KHDRBS2: variants seen among roughly 807,000 people sequenced by gnomAD.
KHDRBS2 encodes KH domain-containing, RNA-binding, signal transduction-associated protein 2.
KHDRBS2 carries 26 observed loss-of-function variants against 44.3 expected under a neutral mutation model. The observed-to-expected ratio is 0.59, with a 90% CI of 0.43 to 0.81. The LOEUF (loss-of-function observed/expected upper bound fraction) is 0.81, where lower values mean the gene tolerates loss of function less well. Ranked by LOEUF, KHDRBS2 falls within the 40% of genes least tolerant of loss-of-function variation. The probability of loss-of-function intolerance (pLI) is 0.00; values close to 1 mark genes in which losing one functional copy is unlikely to be tolerated. For missense variants in KHDRBS2, 476 were observed against 433.1 expected (o/e 1.10, Z -0.88); for synonymous variants, 194 against 151.1 (o/e 1.28, Z -2.08).
At chr6:61,741,848 T>A (rs906879390) in intron 6 of KHDRBS2, among the ~76,000 whole-genome samples, 61 of 151,990 alleles carry the variant, frequency 4.0e-4, no homozygotes, top group Non-Finnish European at 5.2e-4. Flanking sequence ...TCTGACTCTG[T>A]TATATACCCA....
intron 3 of KHDRBS2, among the ~76,000 whole-genome samples, chr6:62,017,599 T>C (rs1439471013): frequency 6.6e-6 from 1 of 152,086 alleles, no homozygotes; most frequent in Non-Finnish European, 1.5e-5. Context: ...TCTTCATGAG[T>C]GGCATAAATT....
At chr6:61,927,889 AC>A (rs1210872914) in intron 4 of KHDRBS2, among the ~76,000 whole-genome samples, 1 of 152,160 alleles carries the variant, frequency 6.6e-6, no homozygotes, top group African/African-American at 2.4e-5. Flanking sequence ...TTATCTATCT[AC>A]AAATTAAGTA....
chr6:61,718,171 T>C (rs915851080), intron 7 of KHDRBS2, among the ~76,000 whole-genome samples: 2 of 152,042 alleles, frequency 1.3e-5, no homozygotes, highest in African/African-American at 4.8e-5. Flanking sequence ...TATAAACTGA[T>C]AGCTCCAAGT....
intron 6 of KHDRBS2, among the ~76,000 whole-genome samples, chr6:61,787,614 CT>C (rs1470929342): frequency 6.6e-6 from 1 of 151,502 alleles, no homozygotes; most frequent in African/African-American, 2.4e-5. Context: ...GGCTTTTTTA[CT>C]TTGTAAATTG....
chr6:61,887,925 C>T (rs1801202786), intron 6 of KHDRBS2, among the ~76,000 whole-genome samples: 1 of 152,052 alleles, frequency 6.6e-6, no homozygotes, highest in South Asian at 2.1e-4. Flanking sequence ...CAGCCAGCAG[C>T]CTATCAGTCA....
chr6:61,938,858 AGTGCAAATATAAAGAT>A (rs1811549194), intron 4 of KHDRBS2, among the ~76,000 whole-genome samples: 1 of 152,204 alleles, frequency 6.6e-6, no homozygotes, highest in Admixed American at 6.5e-5. Context: ...TCTGGCTGGC[AGTGCAAATATAAAGAT>A]GTTGCACCAA....
At chr6:61,857,275 T>C (rs1796284432) in intron 6 of KHDRBS2, among the ~76,000 whole-genome samples, 1 of 152,102 alleles carries the variant, frequency 6.6e-6, no homozygotes, top group Non-Finnish European at 1.5e-5. Flanking sequence ...TATTTCAAAA[T>C]ATAACTTTCA....
intron 2 of KHDRBS2, among the ~76,000 whole-genome samples, chr6:62,104,489 T>TA (rs1303672980): frequency 2.0e-5 from 3 of 152,126 alleles, no homozygotes; most frequent in Admixed American, 1.3e-4. Context: ...TATCAGTAAT[T>TA]AAAAAAATCT....
chr6:61,955,014 A>C (rs1197565513), intron 4 of KHDRBS2, among the ~76,000 whole-genome samples: 2 of 142,346 alleles, frequency 1.4e-5, no homozygotes, highest in Non-Finnish European at 1.5e-5. Flanking sequence ...ATATGTATGT[A>C]TACACACATA....
intron 6 of KHDRBS2, among the ~76,000 whole-genome samples, chr6:61,824,945 C>A (rs1221922292): frequency 6.6e-6 from 1 of 152,086 alleles, no homozygotes; most frequent in Non-Finnish European, 1.5e-5. Flanking sequence ...GTCCACATTG[C>A]CAAATATTCA....
chr6:62,125,161 C>T (rs1308523052), intron 2 of KHDRBS2, among the ~76,000 whole-genome samples: 1 of 152,122 alleles, frequency 6.6e-6, no homozygotes, highest in East Asian at 1.9e-4. Context: ...CTCCCAAAAC[C>T]CTAGCAGCAG....
At chr6:62,091,845 A>G (rs1415378246) in intron 2 of KHDRBS2, among the ~76,000 whole-genome samples, 1 of 152,102 alleles carries the variant, frequency 6.6e-6, no homozygotes, top group Non-Finnish European at 1.5e-5. Context: ...TAGTAACACT[A>G]TGGTTTGTTA....
chr6:62,143,968 A>C (rs1242706077), intron 2 of KHDRBS2, among the ~76,000 whole-genome samples: 1 of 151,942 alleles, frequency 6.6e-6, no homozygotes, highest in East Asian at 1.9e-4. Flanking sequence ...ATCCTTTGCC[A>C]GTTGAAAAAA....
At chr6:61,973,298 C>T (rs1233047497) in intron 4 of KHDRBS2, among the ~76,000 whole-genome samples, 8 of 151,994 alleles carry the variant, frequency 5.3e-5, no homozygotes, top group Non-Finnish European at 8.8e-5. Context: ...TTCTGCTTCC[C>T]TTTTCTATTT....
chr6:61,545,697 AC>A, the KHDRBS2 span, among the ~76,000 whole-genome samples: 1 of 151,880 alleles, frequency 6.6e-6, no homozygotes, highest in Non-Finnish European at 1.5e-5. Flanking sequence ...TGTCTCCCCC[AC>A]CCCAAAATTT....
At chr6:62,159,254 G>T (rs1169967251) in intron 2 of KHDRBS2, among the ~76,000 whole-genome samples, 3 of 151,954 alleles carry the variant, frequency 2.0e-5, no homozygotes, top group Non-Finnish European at 4.4e-5. Flanking sequence ...AAGAAAATTT[G>T]GTTAAGCAAA....
At chr6:61,983,800 A>T in intron 3 of KHDRBS2, among the ~76,000 whole-genome samples, 1 of 152,342 alleles carries the variant, frequency 6.6e-6, no homozygotes. Context: ...ATTGATTAAA[A>T]ATGAGGTGTA....
At chr6:62,206,344 T>TTA (rs1827971308) in intron 1 of KHDRBS2, among the ~76,000 whole-genome samples, 1 of 152,106 alleles carries the variant, frequency 6.6e-6, no homozygotes, top group African/African-American at 2.4e-5. Context: ...GTAGCTTTTC[T>TTA]CAAAACGTTC....
At chr6:62,009,917 G>A (rs1779984214) in intron 3 of KHDRBS2, among the ~76,000 whole-genome samples, 1 of 152,178 alleles carries the variant, frequency 6.6e-6, no homozygotes. Context: ...CTAGGGCACT[G>A]CAGAAGGGAA....
Sources: allele counts gnomAD v4.1 joint callset (sites outside exome capture counted in the v4.1 genomes callset), GRCh38; gene constraint gnomAD v4.1.1; transcripts MANE v1.5; gene names NCBI Gene and HGNC (gene_info 2026-07-23, HGNC 2026-07-21).